The following RYR2 variants were observed in gnomAD, a reference collection of about 807,000 sequenced individuals.
RYR2 encodes the protein ryanodine receptor 2.
RYR2 carries 227 observed loss-of-function variants against 601.1 expected under a neutral mutation model. That is an observed-to-expected ratio of 0.38 (90% confidence interval 0.34 to 0.42). The LOEUF (loss-of-function observed/expected upper bound fraction) is 0.42. Among genes scored for constraint, RYR2 ranks in the 10% least tolerant of loss-of-function variants. The pLI is 1.00. For missense variants in RYR2, 4,646 were observed against 6,156.5 expected, an observed-to-expected ratio of 0.75 and a Z score of 8.21; for synonymous variants, 2,223 against 2,175.1, an observed-to-expected ratio of 1.02 and a Z score of -0.61.
At chr1:237,736,982 G>A (rs1335675948) in intron 79 of RYR2, among the ~76,000 whole-genome samples, 1 of 151,980 alleles carries the variant, frequency 6.6e-6, no homozygotes, top group Non-Finnish European at 1.5e-5. Context: ...AATGAAGAAA[G>A]AGGGAGGTGA....
chr1:237,745,465 T>G (rs1359776849), intron 80 of RYR2, among the ~76,000 whole-genome samples: 1 of 152,190 alleles, frequency 6.6e-6, no homozygotes, highest in Non-Finnish European at 1.5e-5. Context: ...TGTTGATAGT[T>G]GTATGATGGG....
At chr1:237,133,621 T>C (rs527284518) in intron 1 of RYR2, among the ~76,000 whole-genome samples, 8 of 152,230 alleles carry the variant, frequency 5.3e-5, no homozygotes, top group Middle Eastern at 3.4e-3. Flanking sequence ...CCCAGTTGTT[T>C]GTCAGGAGTA....
chr1:237,745,435 A>G (rs1336826806), intron 80 of RYR2, among the ~76,000 whole-genome samples: 2 of 152,204 alleles, frequency 1.3e-5, no homozygotes, highest in African/African-American at 4.8e-5. Context: ...AGTAGCATAA[A>G]AGTTAATGCC....
At chr1:237,597,055 GT>G (rs1675969971) in intron 34 of RYR2, among the ~76,000 whole-genome samples, 1 of 152,194 alleles carries the variant, frequency 6.6e-6, no homozygotes, top group African/African-American at 2.4e-5. Flanking sequence ...ATGAAAACAT[GT>G]AAAAGTATAA....
chr1:237,565,101 T>TTTTC (rs57139097), intron 27 of RYR2, among the ~76,000 whole-genome samples: 8,920 of 114,000 alleles, frequency 0.078, 1,192 homozygotes, highest in East Asian at 0.18. Flanking sequence ...TTCTCTTTTC[T>TTTTC]TTTCTTTCTT....
At chr1:237,054,322 G>A (rs1344423163) in intron 1 of RYR2, among the ~76,000 whole-genome samples, 6 of 14,958 alleles carry the variant, frequency 4.0e-4, no homozygotes, top group East Asian at 2.3e-3. Flanking sequence ...TCCCCTCCCC[G>A]CCTCCCCCCT....
In RYR2 at chr1:237,135,114, C is replaced by T. The variant is rs555400557; in HGVS notation, c.48+92545C>T. 6.6e-5 allele frequency among the ~76,000 whole-genome samples: 10 copies of T among 152,244 alleles called. No individual in the cohort carries two copies. In the South Asian group the frequency reaches 8.3e-4, roughly 13 times the overall value. On this transcript the variant is annotated intron_variant, in intron 1 of 104. Transcript: ENST00000366574. The stretch of plus-strand genomic sequence containing the variant: ...TATGCAAGTCCCTGGTGGTAGATGA[C>T]GCATGCTTTCAATGCCTTATGTAAG...
chr1:237,365,281 T>C (rs1435215346), intron 5 of RYR2, among the ~76,000 whole-genome samples: 3 of 152,200 alleles, frequency 2.0e-5, no homozygotes, highest in African/African-American at 7.2e-5. Flanking sequence ...AAAAGATTGC[T>C]TTGAAGAAAA....
chr1:237,423,225 G>A lies in RYR2; in HGVS notation c.982G>A (p.Ala328Thr), dbSNP rs201669522. ...AGAGAAAGCTGATGTAAAATCAACAGCATTTACCTTCCGGTCTTCCAAGGT... is the reference window on the plus strand; with the variant it reads ...AGAGAAAGCTGATGTAAAATCAACAACATTTACCTTCCGGTCTTCCAAGGT... ...DKEKADVKST[A>T]FTFRSSKEKL... Residue 328 changes from alanine to threonine, a missense_variant, in exon 12 of 105, where the codon GCA becomes ACA. Ala to Thr is a moderately conservative substitution (Grantham distance 58, BLOSUM62 0). Around this residue, in one of 17 missense-constraint regions of RYR2, gnomAD observed 1,807 missense variants for 2,088.1 expected, o/e 0.87. Transcript: ENST00000366574. 4.4e-5 allele frequency: 71 copies of A among 1,613,108 alleles called. No homozygotes were observed. Among genetic ancestry groups the A allele is most frequent in the Non-Finnish European group, 5.8e-5 (68 of 1,179,600 alleles).
At chr1:237,088,570 C>T (rs760579995) in intron 1 of RYR2, among the ~76,000 whole-genome samples, 36 of 151,902 alleles carry the variant, frequency 2.4e-4, no homozygotes, top group Non-Finnish European at 4.4e-4. Flanking sequence ...TGGTGTTGTA[C>T]GTTTCTTTTT....
intron 1 of RYR2, among the ~76,000 whole-genome samples, chr1:237,047,976 CTT>C (rs1001931610): frequency 1.3e-5 from 2 of 152,170 alleles, no homozygotes; most frequent in African/African-American, 4.8e-5. Flanking sequence ...CAAAGCGACT[CTT>C]TTTTGTAGGA....
chr1:237,613,282 G>T (rs966044617), intron 36 of RYR2, among the ~76,000 whole-genome samples: 2 of 152,156 alleles, frequency 1.3e-5, no homozygotes, highest in African/African-American at 4.8e-5. Context: ...GTCAGCGGGG[G>T]TGGTTTACTC....
intron 2 of RYR2, among the ~76,000 whole-genome samples, chr1:237,305,458 G>T (rs1015516920): frequency 7.2e-5 from 11 of 152,134 alleles, no homozygotes; most frequent in African/African-American, 2.7e-4. Flanking sequence ...TTGAGACAGG[G>T]TCTCACTCTG....
intron 1 of RYR2, among the ~76,000 whole-genome samples, chr1:237,205,444 G>T (rs2149066231): frequency 6.6e-6 from 1 of 152,306 alleles, no homozygotes; most frequent in South Asian, 2.1e-4. Flanking sequence ...CAAACATATG[G>T]ATGCCATGGG....
rs1341055583 is a variant in RYR2 at position 237,819,482 on chromosome 1, C to A, written c.14590+290C>A. On this transcript the variant is annotated intron_variant, in intron 101 of 104. Coordinates refer to ENST00000366574, the MANE Select transcript of RYR2 (RefSeq NM_001035.3). This position sits in a 1 kb window ranked among gnomAD's most constrained non-coding sequence, Gnocchi z 4.0. ...ACCTCTGGGTTTCAGACTCATGAAC[C>A]CCAGCTTTACAATCTTGGGTGGGTG... is the stretch of plus-strand genomic sequence containing the variant. Among the ~76,000 whole-genome samples the A allele has an allele frequency of 1.3e-5, 2 of 152,150 alleles. No individual in the cohort carries two copies. The highest frequency in any genetic ancestry group is 2.9e-5 in the Non-Finnish European group (2 of 68,030).
chr1:237,315,077 T>C (rs1033776130), intron 2 of RYR2, among the ~76,000 whole-genome samples: 1 of 152,198 alleles, frequency 6.6e-6, no homozygotes, highest in African/African-American at 2.4e-5. Flanking sequence ...ATTTGACTCC[T>C]GTAAAGATCC....
At chr1:237,511,578 C>T (rs1665904909) in intron 23 of RYR2, 110 bp from the exon 24 acceptor site, 1 of 790,686 alleles carries the variant, frequency 1.3e-6, no homozygotes, top group Non-Finnish European at 2.2e-6. Flanking sequence ...GGGTAATGAT[C>T]TGGGTGTTTC....
chr1:237,066,338 G>T (rs562084576), intron 1 of RYR2, among the ~76,000 whole-genome samples: 206 of 152,216 alleles, frequency 1.4e-3, no homozygotes, highest in Non-Finnish European at 2.5e-3. Context: ...TGTTTCTTTG[G>T]GATAAATGCC....
At position 237,500,965 on chromosome 1, in the gene RYR2, C is replaced by G. The variant is rs568170035; in HGVS notation, c.2396+62C>G. 5.3e-5 allele frequency: 76 copies of G among 1,423,288 alleles called. No individual in the cohort carries two copies. The South Asian group carries it at 8.6e-4, about 16-fold the overall frequency. 88.2% of individuals were successfully genotyped at this position (1,423,288 alleles called of 1,614,324 possible). A position where few individuals can be genotyped will look rare whatever the true frequency, so the allele number is the denominator to read the frequency against. On this transcript the variant is annotated intron_variant, in intron 21 of 104. Transcript: ENST00000366574. Reference sequence around the variant, plus strand: ...TCATTTCTCATACCTCCACAGAAGACTCTGCACTGCCATTGCCCTTCTTCT... The same window carrying G: ...TCATTTCTCATACCTCCACAGAAGAGTCTGCACTGCCATTGCCCTTCTTCT...
Sources: allele counts gnomAD v4.1 joint callset (sites outside exome capture counted in the v4.1 genomes callset), GRCh38; gene constraint gnomAD v4.1.1; regional missense constraint gnomAD v4.1.1; non-coding constraint Gnocchi (gnomAD v3.1); transcripts MANE v1.5; gene names NCBI Gene and HGNC (gene_info 2026-07-23, HGNC 2026-07-21).